SHISA6: variants seen among roughly 807,000 people sequenced by gnomAD.
The protein encoded by SHISA6 is protein shisa-6.
In SHISA6, 22 loss-of-function variants were observed where a neutral mutation model predicts 47.9. The observed-to-expected ratio is 0.46, with a 90% confidence interval of 0.33 to 0.66. SHISA6 has a LOEUF of 0.66. Among genes scored for constraint, SHISA6 ranks in the 30% least tolerant of loss-of-function variants. The pLI, the probability that SHISA6 is intolerant of heterozygous loss-of-function variation, is 0.02. For missense variants in SHISA6, 680 were observed against 764.6 expected (o/e 0.89, Z 1.30); for synonymous variants, 388 against 337.8 (o/e 1.15, Z -1.63).
chr17:11,488,415 T>G (rs1379725041), intron 3 of SHISA6, among the ~76,000 whole-genome samples: 8 of 152,122 alleles, frequency 5.3e-5, no homozygotes, highest in Admixed American at 3.3e-4. Flanking sequence ...TGGCCAGGCT[T>G]TTTGCTGTTT....
At chr17:11,350,797 C>G (rs1000665028) in intron 2 of SHISA6, among the ~76,000 whole-genome samples, 1 of 152,126 alleles carries the variant, frequency 6.6e-6, no homozygotes, top group African/African-American at 2.4e-5. Context: ...ATTAAAAACT[C>G]CATAGCATGG....
intron 3 of SHISA6, among the ~76,000 whole-genome samples, chr17:11,453,125 TC>T (rs1915447796): frequency 6.6e-6 from 1 of 152,172 alleles, no homozygotes; most frequent in Admixed American, 6.5e-5. Context: ...GACTCATTAA[TC>T]AATGCTCATG....
intron 2 of SHISA6, among the ~76,000 whole-genome samples, chr17:11,299,089 TC>T (rs1909840763): frequency 6.6e-6 from 1 of 152,228 alleles, no homozygotes; most frequent in Admixed American, 6.5e-5. Flanking sequence ...AGCTCCCATG[TC>T]CCTTTCACAA....
At chr17:11,312,317 A>G (rs1267273717) in intron 2 of SHISA6, among the ~76,000 whole-genome samples, 1 of 152,194 alleles carries the variant, frequency 6.6e-6, no homozygotes, top group African/African-American at 2.4e-5. Context: ...TATAAAAACT[A>G]TGAATTTCCT....
At chr17:11,510,600 G>A (rs17745088) in intron 3 of SHISA6, among the ~76,000 whole-genome samples, 9,205 of 152,256 alleles carry the variant, frequency 0.06, 302 homozygotes, top group Middle Eastern at 0.099. Context: ...CCTATGCAAA[G>A]GTTCACAATA....
At chr17:11,520,485 C>T (rs752610485) in intron 3 of SHISA6, among the ~76,000 whole-genome samples, 3 of 152,080 alleles carry the variant, frequency 2.0e-5, no homozygotes, top group East Asian at 1.9e-4. Context: ...CTTACTGGCC[C>T]GGGGTCTTGA....
intron 3 of SHISA6, among the ~76,000 whole-genome samples, chr17:11,387,244 A>T (rs1213228991): frequency 6.6e-6 from 1 of 152,140 alleles, no homozygotes; most frequent in Non-Finnish European, 1.5e-5. Flanking sequence ...TGGTTTGGGT[A>T]TGGCCATCCT....
At chr17:11,404,159 T>TTCTGAAACTCCTG (rs1913869133) in intron 3 of SHISA6, among the ~76,000 whole-genome samples, 1 of 152,200 alleles carries the variant, frequency 6.6e-6, no homozygotes, top group South Asian at 2.1e-4. Context: ...ATGCAGGCAA[T>TTCTGAAACTCCTG]TCTGAAACTC....
At chr17:11,400,239 T>G (rs1004959202) in intron 3 of SHISA6, among the ~76,000 whole-genome samples, 1 of 152,212 alleles carries the variant, frequency 6.6e-6, no homozygotes, top group Non-Finnish European at 1.5e-5. Flanking sequence ...GAAGTGGCAC[T>G]GAGAGTGGGA....
chr17:11,261,508 C>A (rs551961021), intron 1 of SHISA6, among the ~76,000 whole-genome samples: 3 of 152,314 alleles, frequency 2.0e-5, no homozygotes, highest in African/African-American at 7.2e-5. Flanking sequence ...CCCCTGGTAA[C>A]CACAGTTCTG....
intron 2 of SHISA6, among the ~76,000 whole-genome samples, chr17:11,266,945 G>A (rs1421792273): frequency 6.6e-6 from 1 of 152,164 alleles, no homozygotes; most frequent in Non-Finnish European, 1.5e-5. Context: ...TGAGAGTCCT[G>A]CAGTAATAAT....
intron 3 of SHISA6, among the ~76,000 whole-genome samples, chr17:11,543,344 C>T (rs1000469550): frequency 6.6e-6 from 1 of 152,120 alleles, no homozygotes; most frequent in Non-Finnish European, 1.5e-5. Flanking sequence ...AAAGTTTCTA[C>T]ATTCTACTGG....
At chr17:11,422,639 G>A (rs1354950921) in intron 3 of SHISA6, among the ~76,000 whole-genome samples, 2 of 152,000 alleles carry the variant, frequency 1.3e-5, no homozygotes, top group Non-Finnish European at 2.9e-5. Context: ...GTGCACGCCT[G>A]TAGTCCCAGC....
Position 11,245,536 on chromosome 17 carries a change from T to G in SHISA6, c.638+3476T>G, listed in dbSNP as rs554080217. On this transcript the variant is annotated intron_variant, in intron 1 of 5. Transcript: ENST00000441885. ...GTGCTAGCTGTCTCACATCCAAACC[T>G]GTTCCTTCCTCCTCACCCTGAGTTG... 3.2e-4 allele frequency among the ~76,000 whole-genome samples: 49 copies of G among 152,344 alleles called. 1 individual carries two copies. The highest frequency in any genetic ancestry group is 1.2e-3 in the African/African-American group (48 of 41,570).
At chr17:11,308,808 T>G (rs2142184372) in intron 2 of SHISA6, among the ~76,000 whole-genome samples, 1 of 152,250 alleles carries the variant, frequency 6.6e-6, no homozygotes, top group Non-Finnish European at 1.5e-5. Flanking sequence ...AATGCTTTGT[T>G]ATGTAAAGGG....
chr17:11,362,842 G>A (rs1912332718), intron 2 of SHISA6, among the ~76,000 whole-genome samples: 1 of 152,100 alleles, frequency 6.6e-6, no homozygotes. Flanking sequence ...TTTATCACAC[G>A]TCTTCTGGTT....
In SHISA6 at chr17:11,456,300, G is replaced by A. The variant is rs138091846; in HGVS notation, c.895+76791G>A. Among the ~76,000 whole-genome samples the A allele has an allele frequency of 1.7e-3, 253 of 152,284 alleles. 1 individual carries two copies. Among genetic ancestry groups the A allele is most frequent in the African/African-American group, 5.8e-3 (241 of 41,574 alleles). ...TCTGCACCGAGGCACCTGGTGGAGG[G>A]AGCCATTTTGCTCACTGGGGCTGTG... On this transcript the variant is annotated intron_variant, in intron 3 of 5. Transcript: ENST00000441885.
chr17:11,541,265 A>C (rs1329643417), intron 3 of SHISA6, among the ~76,000 whole-genome samples: 6 of 152,202 alleles, frequency 3.9e-5, no homozygotes, highest in African/African-American at 1.4e-4. Context: ...ACTATGCTTT[A>C]AACAGTGGCT....
At chr17:11,283,011 C>A (rs181265210) in intron 2 of SHISA6, among the ~76,000 whole-genome samples, 3 of 152,232 alleles carry the variant, frequency 2.0e-5, no homozygotes, top group African/African-American at 7.2e-5. Context: ...ATTGATCTAG[C>A]GAAGTGTAAA....
Sources: allele counts gnomAD v4.1 joint callset (sites outside exome capture counted in the v4.1 genomes callset), GRCh38; gene constraint gnomAD v4.1.1; transcripts MANE v1.5; gene names NCBI Gene and HGNC (gene_info 2026-07-23, HGNC 2026-07-21).